MDGA2: variants seen among roughly 807,000 people sequenced by gnomAD.
MDGA2 encodes the protein MAM domain-containing glycosylphosphatidylinositol anchor protein 2.
In MDGA2, 40 loss-of-function variants were observed where a neutral mutation model predicts 117.8. The ratio of observed to expected loss-of-function variants is 0.34; its 90% CI spans 0.26 to 0.44. The LOEUF (loss-of-function observed/expected upper bound fraction) is 0.44. MDGA2 is among the 20% of genes least tolerant of loss of function. The probability of loss-of-function intolerance (pLI) is 1.00; values close to 1 mark genes in which losing one functional copy is unlikely to be tolerated. For synonymous variants in MDGA2, 452 were observed against 439.0 expected (o/e 1.03, Z -0.37); for missense variants, 1,123 against 1,250.6 (o/e 0.90, Z 1.54).
intron 2 of MDGA2, among the ~76,000 whole-genome samples, chr14:47,251,558 T>C (rs1887447913): frequency 6.6e-6 from 1 of 152,196 alleles, no homozygotes; most frequent in Non-Finnish European, 1.5e-5. Flanking sequence ...CATTGATATA[T>C]GGGAGATGAA....
intron 5 of MDGA2, among the ~76,000 whole-genome samples, chr14:47,105,605 G>GA (rs1428653092): frequency 5.9e-5 from 9 of 152,016 alleles, no homozygotes; most frequent in African/African-American, 2.2e-4. Context: ...ATGGCACTTT[G>GA]AATTTTTCCA....
chr14:47,583,776 C>T (rs1896271861), intron 1 of MDGA2, among the ~76,000 whole-genome samples: 1 of 151,806 alleles, frequency 6.6e-6, no homozygotes, highest in Admixed American at 6.6e-5. Flanking sequence ...TCTTTATTAG[C>T]TGTCTTTAGA....
chr14:46,889,112 C>A (rs973121216), intron 10 of MDGA2, among the ~76,000 whole-genome samples: 1 of 151,942 alleles, frequency 6.6e-6, no homozygotes. Context: ...GTTTTAATAA[C>A]CCCTTTTAGG....
chr14:47,062,774 A>G (rs776650079), intron 6 of MDGA2, among the ~76,000 whole-genome samples: 7 of 152,056 alleles, frequency 4.6e-5, no homozygotes, highest in Non-Finnish European at 1.0e-4. Context: ...ACCAGTAAGC[A>G]CTATAAAAAT....
chr14:47,655,990 G>A (rs1006639237), intron 1 of MDGA2, among the ~76,000 whole-genome samples: 23 of 152,152 alleles, frequency 1.5e-4, no homozygotes, highest in African/African-American at 5.3e-4. Flanking sequence ...GTTAGCCACT[G>A]AAGGTTTTTC....
intron 6 of MDGA2, among the ~76,000 whole-genome samples, chr14:47,065,052 C>T (rs1412761646): frequency 6.6e-6 from 1 of 152,030 alleles, no homozygotes; most frequent in African/African-American, 2.4e-5. Flanking sequence ...CCTGAGAGAA[C>T]ATTAGATTTG....
intron 1 of MDGA2, among the ~76,000 whole-genome samples, chr14:47,508,805 G>A (rs1047559878): frequency 2.0e-5 from 3 of 151,850 alleles, no homozygotes; most frequent in African/African-American, 7.3e-5. Context: ...TCAGCCTCCC[G>A]AGTAGCTGGG....
chr14:47,585,222 G>A (rs1896302082), intron 1 of MDGA2, among the ~76,000 whole-genome samples: 1 of 151,796 alleles, frequency 6.6e-6, no homozygotes. Context: ...AGGTCCTGTA[G>A]GAAACAAAAA....
At chr14:47,150,099 T>G (rs1173643488) in intron 3 of MDGA2, among the ~76,000 whole-genome samples, 1 of 152,126 alleles carries the variant, frequency 6.6e-6, no homozygotes. Flanking sequence ...GGTTTCTGTA[T>G]CATCTTCAAG....
chr14:47,452,186 A>G (rs7159376), intron 1 of MDGA2, among the ~76,000 whole-genome samples: 238 of 151,918 alleles, frequency 1.6e-3, no homozygotes, highest in Non-Finnish European at 2.7e-3. Flanking sequence ...GCCCTCCCCC[A>G]CCACACAAAC....
intron 1 of MDGA2, among the ~76,000 whole-genome samples, chr14:47,307,253 A>T (rs550352085): frequency 2.0e-5 from 3 of 152,212 alleles, no homozygotes; most frequent in African/African-American, 7.2e-5. Flanking sequence ...TCCCTTTTTC[A>T]CAATGATATT....
chr14:46,993,555 G>A (rs758857275), intron 8 of MDGA2, among the ~76,000 whole-genome samples: 2 of 151,462 alleles, frequency 1.3e-5, no homozygotes, highest in Non-Finnish European at 2.9e-5. Context: ...TATGCCTCCC[G>A]AGTTCAAGAG....
intron 6 of MDGA2, among the ~76,000 whole-genome samples, chr14:47,082,021 T>G (rs1159578883): frequency 6.6e-6 from 1 of 152,120 alleles, no homozygotes; most frequent in Non-Finnish European, 1.5e-5. Context: ...AAATTTATGC[T>G]GGAAAAATTA....
intron 4 of MDGA2, among the ~76,000 whole-genome samples, chr14:47,134,073 G>T (rs923632289): frequency 1.3e-5 from 2 of 151,912 alleles, no homozygotes; most frequent in Admixed American, 6.6e-5. Context: ...TCACAATCGA[G>T]CTAATTAACA....
At chr14:46,964,685 T>A (rs1033673991) in intron 8 of MDGA2, among the ~76,000 whole-genome samples, 1 of 152,178 alleles carries the variant, frequency 6.6e-6, no homozygotes, top group African/African-American at 2.4e-5. Context: ...ATCAAAGATA[T>A]GACCGTTGGA....
At chr14:47,173,259 G>T (rs1224034614) in intron 3 of MDGA2, among the ~76,000 whole-genome samples, 2 of 152,250 alleles carry the variant, frequency 1.3e-5, no homozygotes, top group African/African-American at 2.4e-5. Context: ...CCCCAATCTA[G>T]CAAGGCAGGC....
chr14:47,661,883 C>T (rs1472896899), intron 1 of MDGA2, among the ~76,000 whole-genome samples: 2 of 151,372 alleles, frequency 1.3e-5, no homozygotes, highest in East Asian at 3.9e-4. Context: ...TTACAGGCAC[C>T]CGCCACTACG....
intron 3 of MDGA2, among the ~76,000 whole-genome samples, chr14:47,154,172 G>A (rs1883274818): frequency 6.6e-6 from 1 of 152,184 alleles, no homozygotes. Flanking sequence ...TCCTTAAGCT[G>A]AGTGCATTTA....
chr14:47,161,127 C>A (rs188877416), intron 3 of MDGA2, among the ~76,000 whole-genome samples: 1 of 151,886 alleles, frequency 6.6e-6, no homozygotes. Flanking sequence ...GCTGTATTTG[C>A]TTGCTGTTAT....
Sources: allele counts gnomAD v4.1 joint callset (sites outside exome capture counted in the v4.1 genomes callset), GRCh38; gene constraint gnomAD v4.1.1; transcripts MANE v1.5; gene names NCBI Gene and HGNC (gene_info 2026-07-23, HGNC 2026-07-21).